RBM26: variants seen among roughly 807,000 people sequenced by gnomAD.
RBM26 encodes RNA binding motif protein 26, also known as RNA-binding protein 26.
A neutral mutation model predicts 123.6 loss-of-function variants in RBM26; 30 were observed. The ratio of observed to expected loss-of-function variants is 0.24; its 90% CI spans 0.18 to 0.33. The LOEUF (loss-of-function observed/expected upper bound fraction) is 0.33. Ranked by LOEUF, RBM26 falls within the 10% of genes least tolerant of loss-of-function variation. The pLI is 1.00. For synonymous variants in RBM26, 400 were observed against 404.4 expected (o/e 0.99, Z 0.13); for missense variants, 947 against 1,203.6 (o/e 0.79, Z 3.15).
At chr13:79,348,416 C>T (rs1009402156) in intron 14 of RBM26, among the ~76,000 whole-genome samples, 2 of 151,624 alleles carry the variant, frequency 1.3e-5, no homozygotes, top group Non-Finnish European at 2.9e-5. Flanking sequence ...TATAAGTAAT[C>T]GTAAAGAAAG....
chr13:79,343,506 G>A (rs1005368248), intron 16 of RBM26, among the ~76,000 whole-genome samples: 9 of 151,812 alleles, frequency 5.9e-5, no homozygotes, highest in African/African-American at 2.2e-4. Context: ...AAATCAAAAT[G>A]TAGTTTCTGT....
Position 79,368,749 on chromosome 13 carries a change from T to C in RBM26, c.876A>G (p.Lys292=), listed in dbSNP as rs762743710. 1 of 1,613,812 alleles carries C rather than the reference T, an allele frequency of 6.2e-7. No individual in the cohort carries two copies. Among genetic ancestry groups the C allele is most frequent in the African/African-American group, 1.3e-5 (1 of 74,924 alleles). The change falls in exon 6 of 22, where the codon AAA becomes AAG. Residue 292 remains lysine, a synonymous_variant. Transcript: ENST00000438737. The part of the protein sequence containing the change: ...NSYVRPPMPK[K]RCRDYDEKGF... Reference sequence around the variant, plus strand: ...ACTTACCATCATAGTCTCTACACCGTTTCTTTGGCATGGGTGGTCTTACGT... The same window carrying C: ...ACTTACCATCATAGTCTCTACACCGCTTCTTTGGCATGGGTGGTCTTACGT...
chr13:79,315,486 T>G (rs2067061010), downstream of RBM26, among the ~76,000 whole-genome samples: 1 of 151,712 alleles, frequency 6.6e-6, no homozygotes. Context: ...GAAGTAAAAG[T>G]ATACTAAGCA....
intron 5 of RBM26, among the ~76,000 whole-genome samples, chr13:79,369,299 C>T (rs957998524): frequency 1.3e-5 from 2 of 152,018 alleles, no homozygotes; most frequent in East Asian, 1.9e-4. Context: ...TAATTACAGA[C>T]CACAAAACAA....
Position 79,366,523 on chromosome 13 carries a change from C to G in RBM26, c.1135+110G>C, listed in dbSNP as rs1594372784. On this transcript the variant is annotated intron_variant, in intron 7 of 21. Transcript: ENST00000438737. ...GAAGTATACTGCTATTAATTTCTAT[C>G]AGGCATTTTTGGGATTCCTTTAGAT... The G allele has an allele frequency of 2.0e-5, 23 of 1,138,278 alleles. No individual in the cohort carries two copies. The East Asian group carries it at 5.9e-4, about 29-fold the overall frequency. 70.5% of individuals were successfully genotyped at this position (1,138,278 alleles called of 1,614,324 possible). A position where few individuals can be genotyped will look rare whatever the true frequency, so the allele number is the denominator to read the frequency against.
At chr13:79,384,356 C>T (rs894968198) in intron 1 of RBM26, among the ~76,000 whole-genome samples, 1 of 151,568 alleles carries the variant, frequency 6.6e-6, no homozygotes, top group African/African-American at 2.4e-5. Flanking sequence ...GAACTCCTGC[C>T]AAGAGATCCT....
intron 20 of RBM26, among the ~76,000 whole-genome samples, chr13:79,322,819 C>T (rs1212413066): frequency 6.6e-6 from 1 of 151,308 alleles, no homozygotes; most frequent in African/African-American, 2.4e-5. Context: ...ATGACAATCC[C>T]AAGGTACTTC....
At chr13:79,402,299 TC>T (rs1196348615) in intron 1 of RBM26, among the ~76,000 whole-genome samples, 1 of 152,070 alleles carries the variant, frequency 6.6e-6, no homozygotes, top group Non-Finnish European at 1.5e-5. Context: ...AGTTCAAAAT[TC>T]TCAATTTATG....
chr13:79,320,648 G>T lies in RBM26; in HGVS notation c.2997C>A (p.Asp999Glu). The T allele has an allele frequency of 1.3e-6, 2 of 1,597,572 alleles. No homozygotes were observed. Among genetic ancestry groups the T allele is most frequent in the Non-Finnish European group, 1.7e-6 (2 of 1,173,170 alleles). Reference sequence around the variant, plus strand: ...ATCTTCTCCAAGAACGAGATTCATTGTCCTCTTCTTCTTCATCATCATCTT... The same window carrying T: ...ATCTTCTCCAAGAACGAGATTCATTTTCCTCTTCTTCTTCATCATCATCTT... ...LLQDDDEEEE[D>E]NESRSWRR Residue 999 changes from aspartate (D) to glutamate (E), a missense_variant, in exon 22 of 22, where the codon GAC (aspartate) becomes GAA (glutamate). This residue lies in a region of RBM26 where 164 missense variants were observed against 215.3 expected (regional missense o/e 0.76). Coordinates refer to ENST00000438737, the MANE Select transcript of RBM26 (RefSeq NM_001366735.2).
intron 1 of RBM26, among the ~76,000 whole-genome samples, chr13:79,393,040 C>T (rs2140429867): frequency 6.6e-6 from 1 of 152,244 alleles, no homozygotes; most frequent in Admixed American, 6.5e-5. Flanking sequence ...TACAGCCACT[C>T]ATCAACACTT....
At chr13:79,395,269 T>C (rs2078457202) in intron 1 of RBM26, among the ~76,000 whole-genome samples, 1 of 152,078 alleles carries the variant, frequency 6.6e-6, no homozygotes, top group African/African-American at 2.4e-5. Context: ...GACTTCACAA[T>C]AATGATAAAA....
At chr13:79,341,911 T>C (rs1276295026) in intron 17 of RBM26, among the ~76,000 whole-genome samples, 1 of 151,986 alleles carries the variant, frequency 6.6e-6, no homozygotes, top group East Asian at 1.9e-4. Context: ...CAGTTCTGAC[T>C]TTACACCTTT....
intron 21 of RBM26, among the ~76,000 whole-genome samples, 199 bp from the exon 22 acceptor site, chr13:79,320,909 C>T (rs2067593815): frequency 1.3e-5 from 2 of 151,258 alleles, no homozygotes; most frequent in Admixed American, 1.3e-4. Flanking sequence ...CTATTGCTTG[C>T]ATGAAACACA....
rs1376698477 is a variant in RBM26 at position 79,378,874 on chromosome 13, A to G, written c.105T>C (p.Tyr35=). 11 of 1,613,648 alleles carry G rather than the reference A, an allele frequency of 6.8e-6. No individual in the cohort carries two copies. The highest frequency in any genetic ancestry group is 1.7e-5 in the Admixed American group (1 of 59,986). Residue 35 remains tyrosine, a synonymous_variant, in exon 2 of 22, where the codon TAT becomes TAC. Transcript: ENST00000438737. ...TGTCTTTCTTTACCAAAGCCAGAACATATTTTGCTAGGGCGGATGGATCTG... is the reference window on the plus strand; with the variant it reads ...TGTCTTTCTTTACCAAAGCCAGAACGTATTTTGCTAGGGCGGATGGATCTG... ...CDADPSALAK[Y]VLALVKKDKS... is the part of the protein sequence containing the mutation.
chr13:79,349,345 T>A (rs2072843266), intron 14 of RBM26, among the ~76,000 whole-genome samples: 1 of 152,170 alleles, frequency 6.6e-6, no homozygotes, highest in South Asian at 2.1e-4. Context: ...CAATCCCCTG[T>A]CCTCAGCCAC....
intron 18 of RBM26, among the ~76,000 whole-genome samples, chr13:79,340,336 C>A (rs1277745381): frequency 2.0e-5 from 3 of 151,842 alleles, no homozygotes; most frequent in Non-Finnish European, 4.4e-5. Context: ...GTCTTTAATA[C>A]CTGGATGGCA....
At chr13:79,400,577 G>C (rs906955573) in intron 1 of RBM26, among the ~76,000 whole-genome samples, 1 of 152,176 alleles carries the variant, frequency 6.6e-6, no homozygotes, top group African/African-American at 2.4e-5. Context: ...AGTAATTAAT[G>C]AAATGTCAGA....
At chr13:79,366,469 G>A in intron 7 of RBM26, among the ~76,000 whole-genome samples, 164 bp downstream of exon 7, 1 of 152,120 alleles carries the variant, frequency 6.6e-6, no homozygotes, top group East Asian at 1.9e-4. Context: ...GCTTGGCACA[G>A]GCTACAAAGT....
At chr13:79,405,573 G>A (rs1006852781) in intron 1 of RBM26, 131 bp downstream of exon 1, 3 of 485,864 alleles carry the variant, frequency 6.2e-6, no homozygotes, top group Middle Eastern at 4.4e-4. Flanking sequence ...AGGAGGAGAA[G>A]CCACAGAACC....
Sources: allele counts gnomAD v4.1 joint callset (sites outside exome capture counted in the v4.1 genomes callset), GRCh38; gene constraint gnomAD v4.1.1; regional missense constraint gnomAD v4.1.1; transcripts MANE v1.5; gene names NCBI Gene and HGNC (gene_info 2026-07-23, HGNC 2026-07-21).